Variants in MCMDC2 observed in about 807,000 individuals in gnomAD.
MCMDC2 encodes the protein minichromosome maintenance domain-containing protein 2.
Under a neutral mutation model 75.8 loss-of-function variants are expected in MCMDC2, and 54 were observed. That is an observed-to-expected ratio of 0.71 (90% CI 0.57 to 0.89). The LOEUF is 0.89. Among genes scored for constraint, MCMDC2 ranks in the 40% least tolerant of loss-of-function variants. The pLI, the probability that MCMDC2 is intolerant of heterozygous loss-of-function variation, is 0.00. For missense variants in MCMDC2, 656 were observed against 780.4 expected (o/e 0.84, Z 1.90); for synonymous variants, 249 against 274.6 (o/e 0.91, Z 0.92).
At chr8:66,924,385 G>C (rs975291235), downstream of MCMDC2, among the ~76,000 whole-genome samples, 1 of 152,016 alleles carries the variant, frequency 6.6e-6, no homozygotes, top group Non-Finnish European at 1.5e-5. Flanking sequence ...CCAGCACTTT[G>C]AGAGGCCTAG....
intron 8 of MCMDC2, among the ~76,000 whole-genome samples, chr8:66,881,425 A>G (rs1041661797): frequency 3.3e-5 from 5 of 152,380 alleles, no homozygotes; most frequent in Admixed American, 1.3e-4. Flanking sequence ...GCTGTGGCTC[A>G]CGCCTGTAAT....
intron 8 of MCMDC2, among the ~76,000 whole-genome samples, chr8:66,881,749 A>G (rs1412160307): frequency 6.6e-6 from 1 of 152,222 alleles, no homozygotes; most frequent in Admixed American, 6.5e-5. Flanking sequence ...TCAAGAAATA[A>G]GATAAAGGCA....
chr8:66,902,367 G>A (rs1253041198), intron 13 of MCMDC2, among the ~76,000 whole-genome samples: 1 of 150,780 alleles, frequency 6.6e-6, no homozygotes, highest in African/African-American at 2.4e-5. Flanking sequence ...TCCAGCCTGC[G>A]TGACAGAGTG....
At chr8:66,913,703 C>T (rs1403209212) in intron 14 of MCMDC2, among the ~76,000 whole-genome samples, 1 of 152,054 alleles carries the variant, frequency 6.6e-6, no homozygotes, top group African/African-American at 2.4e-5. Flanking sequence ...CAGTGGTTCA[C>T]GCCTATAATC....
At chr8:66,887,642 A>G (rs1347922807) in intron 9 of MCMDC2, among the ~76,000 whole-genome samples, 1 of 152,158 alleles carries the variant, frequency 6.6e-6, no homozygotes, top group East Asian at 1.9e-4. Flanking sequence ...GTTTTAGTTT[A>G]CTATTTATTT....
intron 14 of MCMDC2, 125 bp from the exon 15 acceptor site, chr8:66,918,878 A>C (rs1010531873): frequency 1.2e-6 from 1 of 802,732 alleles, no homozygotes; most frequent in Non-Finnish European, 1.8e-6. Flanking sequence ...TATTTTTCAC[A>C]GAACCACATG....
chr8:66,904,207 G>A (rs1197573436), intron 13 of MCMDC2, among the ~76,000 whole-genome samples: 3 of 152,130 alleles, frequency 2.0e-5, no homozygotes, highest in African/African-American at 7.2e-5. Context: ...CTGAAAAGGA[G>A]TATTAACCAA....
intron 9 of MCMDC2, among the ~76,000 whole-genome samples, chr8:66,888,226 G>A (rs1031593714): frequency 7.2e-5 from 11 of 152,066 alleles, no homozygotes; most frequent in Non-Finnish European, 1.0e-4. Flanking sequence ...GAACAGAGGC[G>A]TGAACCACCA....
At chr8:66,899,290 C>G (rs770064917) in intron 12 of MCMDC2, among the ~76,000 whole-genome samples, 6 of 152,208 alleles carry the variant, frequency 3.9e-5, no homozygotes, top group Non-Finnish European at 7.3e-5. Context: ...TGACAGCACT[C>G]TCAGTAGCTG....
chr8:66,887,911 C>G (rs1162588241), intron 9 of MCMDC2, among the ~76,000 whole-genome samples: 6 of 152,128 alleles, frequency 3.9e-5, no homozygotes, highest in Non-Finnish European at 5.9e-5. Flanking sequence ...TCTATTTGAA[C>G]TCTCTTTTCT....
intron 9 of MCMDC2, among the ~76,000 whole-genome samples, chr8:66,890,149 G>A (rs1343420553): frequency 6.6e-6 from 1 of 152,094 alleles, no homozygotes; most frequent in African/African-American, 2.4e-5. Context: ...TCACTGGAAT[G>A]TCCGCCTCCC....
chr8:66,892,530 C>T (rs1164306672), intron 10 of MCMDC2, among the ~76,000 whole-genome samples: 2 of 152,172 alleles, frequency 1.3e-5, no homozygotes, highest in African/African-American at 4.8e-5. Context: ...GTGGGTAGCT[C>T]GTACCCCCAG....
chr8:66,909,099 T>C (rs1472335997), intron 14 of MCMDC2, among the ~76,000 whole-genome samples: 1 of 152,146 alleles, frequency 6.6e-6, no homozygotes, highest in African/African-American at 2.4e-5. Context: ...CTCACAAATC[T>C]GATGGTTTTA....
chr8:66,895,890 A>G (rs1431423374), intron 10 of MCMDC2, among the ~76,000 whole-genome samples: 14 of 152,026 alleles, frequency 9.2e-5, no homozygotes, highest in Non-Finnish European at 1.8e-4. Flanking sequence ...TATATGACCA[A>G]TCTCTTAGCC....
At position 66,919,203 on chromosome 8, in the gene MCMDC2, AGCAGT is replaced by A. The variant is rs1404918959; in HGVS notation, c.*36_*40del. The A allele has an allele frequency of 3.3e-6, 5 of 1,502,700 alleles. No homozygotes were observed. The highest frequency in any genetic ancestry group is 4.5e-6 in the Non-Finnish European group (5 of 1,117,524). 93.1% of individuals were successfully genotyped at this position (1,502,700 alleles called of 1,614,324 possible). ...AGGAATTTTTGTTCATTCCTACTTA[AGCAGT>A]GGAGAAAAAGTGTGACTATTTTGAG... On this transcript the variant is annotated 3_prime_UTR_variant, in exon 15 of 15. Transcript: ENST00000422365.
chr8:66,917,259 G>C (rs531850639), intron 14 of MCMDC2, among the ~76,000 whole-genome samples: 125 of 152,252 alleles, frequency 8.2e-4, no homozygotes, highest in Middle Eastern at 6.8e-3. Flanking sequence ...AGAAGTCTGA[G>C]GCTGTTCTTA....
chr8:66,902,708 AAAAATATATAT>A (rs1812735473), intron 13 of MCMDC2, among the ~76,000 whole-genome samples: 2 of 121,874 alleles, frequency 1.6e-5, no homozygotes, highest in Non-Finnish European at 3.4e-5. Flanking sequence ...AAAAAAAAAA[AAAAATATATAT>A]ATATATATAT....
intron 8 of MCMDC2, 134 bp from the exon 9 acceptor site, chr8:66,883,623 G>A: frequency 1.7e-6 from 1 of 605,604 alleles, no homozygotes; most frequent in Non-Finnish European, 2.9e-6. Context: ...ACAAGATCCT[G>A]TCTCAAAAAA....
chr8:66,905,863 G>T (rs1812886526), intron 14 of MCMDC2, among the ~76,000 whole-genome samples: 1 of 152,034 alleles, frequency 6.6e-6, no homozygotes, highest in African/African-American at 2.4e-5. Flanking sequence ...AAATTAGCTA[G>T]GTGTGGTGGC....
Sources: allele counts gnomAD v4.1 joint callset (sites outside exome capture counted in the v4.1 genomes callset), GRCh38; gene constraint gnomAD v4.1.1; transcripts MANE v1.5; gene names NCBI Gene and HGNC (gene_info 2026-07-23, HGNC 2026-07-21).